Variants in INPP4A observed in about 807,000 individuals in gnomAD.
INPP4A encodes the protein inositol polyphosphate-4-phosphatase, type I, 107kD.
In INPP4A, 33 loss-of-function variants were observed where a neutral mutation model predicts 119.8. The observed-to-expected ratio is 0.28, with a 90% CI of 0.21 to 0.37. The LOEUF (loss-of-function observed/expected upper bound fraction) is 0.37, where lower values mean the gene tolerates loss of function less well. Among genes scored for constraint, INPP4A ranks in the 10% least tolerant of loss-of-function variants. The pLI is 1.00. For synonymous variants in INPP4A, 496 were observed against 500.7 expected (o/e 0.99, Z 0.12); for missense variants, 956 against 1,289.9 (o/e 0.74, Z 3.97).
In INPP4A at chr2:98,546,522, C is replaced by A; in HGVS notation, c.1055-64C>A. On this transcript the variant is annotated intron_variant, in intron 12 of 24. Coordinates refer to ENST00000409851, the MANE Select transcript of INPP4A (RefSeq NM_001134225.2). The surrounding 1 kb of genome is among the most constrained non-coding windows in gnomAD (Gnocchi z 4.2). The stretch of plus-strand genomic sequence containing the variant: ...AGGACCCCAGACTTGTGTGCATATC[C>A]CTATAGCTGGCTTGTCCACAGGCCT... 8.9e-7 allele frequency: 1 copy of A among 1,128,740 alleles called. No individual in the cohort carries two copies. 69.9% of individuals were successfully genotyped at this position (1,128,740 alleles called of 1,614,324 possible).
At chr2:98,531,782 A>G (rs1689278147) in intron 4 of INPP4A, among the ~76,000 whole-genome samples, 1 of 152,238 alleles carries the variant, frequency 6.6e-6, no homozygotes, top group South Asian at 2.1e-4. Flanking sequence ...AAAAGCTGAA[A>G]GAATGTCAGC....
At chr2:98,580,618 C>G (rs1027761236) in intron 24 of INPP4A, among the ~76,000 whole-genome samples, 1 of 152,232 alleles carries the variant, frequency 6.6e-6, no homozygotes, top group Non-Finnish European at 1.5e-5. Context: ...GAATTGTGCC[C>G]TCTCAGAATG....
chr2:98,528,222 C>T (rs1688525949), intron 4 of INPP4A, among the ~76,000 whole-genome samples: 1 of 151,994 alleles, frequency 6.6e-6, no homozygotes, highest in Non-Finnish European at 1.5e-5. Context: ...TATCTAAATA[C>T]AAATTCTGGA....
intron 1 of INPP4A, among the ~76,000 whole-genome samples, chr2:98,462,932 C>T (rs1186216544): frequency 1.3e-5 from 2 of 152,120 alleles, no homozygotes; most frequent in Non-Finnish European, 2.9e-5. Context: ...ACCTCCACCT[C>T]CCGGGTTCAA....
chr2:98,455,306 C>T (rs1278987041), intron 1 of INPP4A, among the ~76,000 whole-genome samples: 1 of 152,018 alleles, frequency 6.6e-6, no homozygotes, highest in African/African-American at 2.4e-5. Flanking sequence ...CCAGTGCACT[C>T]CAACCTGGGT....
intron 1 of INPP4A, among the ~76,000 whole-genome samples, chr2:98,453,665 G>A (rs1695601198): frequency 6.6e-6 from 1 of 152,142 alleles, no homozygotes; most frequent in Non-Finnish European, 1.5e-5. Flanking sequence ...ACTCGCCATA[G>A]ATCAAGAACC....
intron 1 of INPP4A, among the ~76,000 whole-genome samples, chr2:98,474,074 A>C (rs989408166): frequency 6.6e-6 from 1 of 152,080 alleles, no homozygotes; most frequent in Non-Finnish European, 1.5e-5. Context: ...ACGTTTTCAT[A>C]CCCTCTTTCT....
intron 13 of INPP4A, among the ~76,000 whole-genome samples, chr2:98,550,152 T>C (rs1241083017): frequency 6.6e-6 from 1 of 152,034 alleles, no homozygotes. Context: ...CTGGGTTCCC[T>C]CTGAGGACCC....
chr2:98,509,550 G>A (rs561928059), intron 1 of INPP4A, among the ~76,000 whole-genome samples: 6 of 152,332 alleles, frequency 3.9e-5, no homozygotes, highest in African/African-American at 1.4e-4. Flanking sequence ...TAAAGAGATT[G>A]CCAGTTTACA....
chr2:98,503,023 C>G (rs1683413270), intron 1 of INPP4A, among the ~76,000 whole-genome samples: 1 of 152,132 alleles, frequency 6.6e-6, no homozygotes, highest in Non-Finnish European at 1.5e-5. Context: ...CCCTGGAGAC[C>G]TCCTGGGACA....
chr2:98,574,741 G>A (rs1173701491), intron 23 of INPP4A, among the ~76,000 whole-genome samples: 3 of 152,136 alleles, frequency 2.0e-5, no homozygotes, highest in African/African-American at 7.2e-5. Context: ...ACACACACAG[G>A]CAGTTTACAG....
At chr2:98,457,146 C>G (rs1344133934) in intron 1 of INPP4A, among the ~76,000 whole-genome samples, 1 of 152,190 alleles carries the variant, frequency 6.6e-6, no homozygotes, top group East Asian at 1.9e-4. Flanking sequence ...GGCCTTGTCC[C>G]TGGGTATGTC....
chr2:98,545,884 T>C (rs1232578637), intron 11 of INPP4A, 85 bp from the exon 12 acceptor site: 3 of 904,266 alleles, frequency 3.3e-6, no homozygotes, highest in Non-Finnish European at 3.4e-6. Context: ...TGCCACAGCA[T>C]CCTCTGAATT....
At chr2:98,532,411 C>T (rs931983217) in intron 4 of INPP4A, among the ~76,000 whole-genome samples, 3 of 152,048 alleles carry the variant, frequency 2.0e-5, no homozygotes, top group Admixed American at 1.3e-4. Flanking sequence ...TTTAAAATTG[C>T]GATAAAATGT....
In INPP4A at chr2:98,588,616, CATTCTT is replaced by C. The variant is rs1270369078; in HGVS notation, c.*1011_*1016del. On this transcript the variant is annotated 3_prime_UTR_variant, in exon 25 of 25. Transcript: ENST00000409851. ...GCAATAATTGTTACTTTCTTATTCT[CATTCTT>C]ATGTAAGATGACTATTGAGAAACAG... is the stretch of plus-strand genomic sequence containing the variant. The C allele has an allele frequency of 4.5e-6, 1 of 223,858 alleles. No homozygotes were observed. The highest frequency in any genetic ancestry group is 2.2e-5 in the African/African-American group (1 of 44,828). 13.9% of individuals were successfully genotyped at this position (223,858 alleles called of 1,614,324 possible).
Position 98,570,833 on chromosome 2 carries a change from A to G in INPP4A, c.2519-1982A>G, listed in dbSNP as rs1446454042. On this transcript the variant is annotated intron_variant, in intron 22 of 24. Transcript: ENST00000409851. The surrounding 1 kb of genome is among the most constrained non-coding windows in gnomAD (Gnocchi z 4.3). ...AAAACAGGTGTTCTTGTCCTGCTCAACATGAGAGAGGTGAGCACAGAACCG... is the reference window on the plus strand; with the variant it reads ...AAAACAGGTGTTCTTGTCCTGCTCAGCATGAGAGAGGTGAGCACAGAACCG... Among the ~76,000 whole-genome samples, 3 of 152,184 alleles carry G rather than the reference A, an allele frequency of 2.0e-5. No individual in the cohort carries two copies. Among genetic ancestry groups the G allele is most frequent in the South Asian group, 2.1e-4 (1 of 4,834 alleles).
intron 2 of INPP4A, chr2:98,519,614 A>T (rs1010070441): frequency 1.2e-5 from 2 of 170,152 alleles, no homozygotes; most frequent in African/African-American, 4.8e-5. Context: ...GTTCTAAGAG[A>T]CTTGCCAACA....
chr2:98,489,728 A>C (rs1363229743), intron 1 of INPP4A, among the ~76,000 whole-genome samples: 1 of 152,172 alleles, frequency 6.6e-6, no homozygotes, highest in African/African-American at 2.4e-5. Flanking sequence ...GGGTGCACAG[A>C]AATGTTTTCT....
intron 19 of INPP4A, 28 bp downstream of exon 19, chr2:98,564,791 C>T: frequency 6.4e-7 from 1 of 1,554,220 alleles, no homozygotes; most frequent in Non-Finnish European, 8.7e-7. Flanking sequence ...GGATCGGGAG[C>T]CCCACTTGCG....
Sources: gnomAD v4.1 joint callset for allele counts (sites outside exome capture counted in the v4.1 genomes callset) on GRCh38, gnomAD v4.1.1 for gene constraint, Gnocchi (gnomAD v3.1) non-coding constraint, MANE v1.5 for transcripts, NCBI Gene and HGNC (gene_info 2026-07-23, HGNC 2026-07-21) for gene names.